Variants in LRP1B observed in about 807,000 individuals in gnomAD.
The protein encoded by LRP1B is low-density lipoprotein receptor-related protein 1B.
Under a neutral mutation model 556.6 loss-of-function variants are expected in LRP1B, and 217 were observed. The observed-to-expected ratio is 0.39, with a 90% confidence interval of 0.35 to 0.44. LRP1B has a LOEUF of 0.44. LRP1B is among the 20% of genes least tolerant of loss of function. LRP1B has a pLI of 1.00. For missense variants in LRP1B, 5,053 were observed against 5,620.8 expected (o/e 0.90, Z 3.23); for synonymous variants, 2,047 against 1,865.8 (o/e 1.10, Z -2.50).
intron 1 of LRP1B, among the ~76,000 whole-genome samples, chr2:141,863,345 A>G (rs551709849): frequency 6.3e-4 from 96 of 152,284 alleles, no homozygotes; most frequent in Non-Finnish European, 1.0e-3. Flanking sequence ...AACCAATAAT[A>G]AAACAAGTAT....
At chr2:141,184,090 C>T (rs1436431079) in intron 7 of LRP1B, among the ~76,000 whole-genome samples, 1 of 151,922 alleles carries the variant, frequency 6.6e-6, no homozygotes, top group African/African-American at 2.4e-5. Flanking sequence ...TCATTAGACC[C>T]CAATACTAAA....
At chr2:142,046,911 A>G (rs1704279186) in intron 1 of LRP1B, among the ~76,000 whole-genome samples, 1 of 152,038 alleles carries the variant, frequency 6.6e-6, no homozygotes, top group Admixed American at 6.6e-5. Flanking sequence ...TAGGTATGCC[A>G]TCTTGTACAT....
rs1244765430 is a variant in LRP1B, at chr2:140,231,634, C to A, written c.*1552G>T. 6.6e-6 allele frequency: 1 copy of A among 151,620 alleles called. No individual in the cohort carries two copies. Among genetic ancestry groups the A allele is most frequent in the Non-Finnish European group, 1.5e-5 (1 of 67,548 alleles). 9.4% of individuals were successfully genotyped at this position (151,620 alleles called of 1,614,324 possible). On this transcript the variant is annotated 3_prime_UTR_variant, in exon 91 of 91. Coordinates refer to ENST00000389484, the MANE Select transcript of LRP1B (RefSeq NM_018557.3). ...AAAATTGCACTAGTATTACATAAAT[C>A]AATAGTTTATAAAGGCCTCAATATG... is the stretch of plus-strand genomic sequence containing the variant.
At chr2:141,939,648 T>C (rs1189169178) in intron 1 of LRP1B, among the ~76,000 whole-genome samples, 1 of 152,152 alleles carries the variant, frequency 6.6e-6, no homozygotes, top group Non-Finnish European at 1.5e-5. Context: ...TATTTTACTA[T>C]TATATATGTT....
intron 60 of LRP1B, among the ~76,000 whole-genome samples, chr2:140,468,786 G>A (rs748620081): frequency 6.6e-5 from 10 of 152,176 alleles, no homozygotes; most frequent in Non-Finnish European, 1.2e-4. Flanking sequence ...GATTATCTTG[G>A]AGCCTTAAGA....
chr2:140,692,166 T>C (rs917735269), intron 41 of LRP1B, among the ~76,000 whole-genome samples: 5 of 152,252 alleles, frequency 3.3e-5, no homozygotes, highest in African/African-American at 9.6e-5. Flanking sequence ...AAAAAATTGC[T>C]AAAATTTGAA....
intron 25 of LRP1B, among the ~76,000 whole-genome samples, chr2:140,869,642 AT>A (rs2105159652): frequency 6.6e-6 from 1 of 152,228 alleles, no homozygotes; most frequent in Admixed American, 6.5e-5. Flanking sequence ...AAGTGAATTG[AT>A]TCAAAATATA....
intron 1 of LRP1B, among the ~76,000 whole-genome samples, chr2:142,001,059 G>A (rs1314902604): frequency 2.6e-5 from 4 of 152,104 alleles, no homozygotes; most frequent in Non-Finnish European, 4.4e-5. Flanking sequence ...TTCCCCTTTT[G>A]CTTGGCTCTT....
intron 3 of LRP1B, among the ~76,000 whole-genome samples, chr2:141,389,098 A>G (rs1462363297): frequency 2.0e-5 from 3 of 152,190 alleles, no homozygotes; most frequent in Non-Finnish European, 1.5e-5. Context: ...TAAAATTCCA[A>G]CAAGCTTTTT....
At chr2:141,322,321 C>G (rs1474114254) in intron 3 of LRP1B, among the ~76,000 whole-genome samples, 1 of 151,976 alleles carries the variant, frequency 6.6e-6, no homozygotes, top group Non-Finnish European at 1.5e-5. Flanking sequence ...GTGGGCTTCC[C>G]TGTAAAAGAA....
At chr2:141,214,085 T>C (rs1682682614) in intron 6 of LRP1B, among the ~76,000 whole-genome samples, 1 of 152,182 alleles carries the variant, frequency 6.6e-6, no homozygotes, top group African/African-American at 2.4e-5. Flanking sequence ...TAATCCATCG[T>C]TGGTTTAATT....
At chr2:141,899,381 G>A (rs1156556576) in intron 1 of LRP1B, among the ~76,000 whole-genome samples, 3 of 152,072 alleles carry the variant, frequency 2.0e-5, no homozygotes, top group Non-Finnish European at 4.4e-5. Flanking sequence ...CAACAGAAAA[G>A]TAAATAGACT....
intron 20 of LRP1B, among the ~76,000 whole-genome samples, chr2:140,927,623 TATAAGATC>T (rs1239000650): frequency 6.6e-6 from 1 of 151,786 alleles, no homozygotes; most frequent in Non-Finnish European, 1.5e-5. Context: ...TTTATGCTAT[TATAAGATC>T]ATGATAAAAT....
intron 43 of LRP1B, among the ~76,000 whole-genome samples, chr2:140,555,229 A>C (rs943083995): frequency 5.9e-5 from 9 of 151,708 alleles, no homozygotes; most frequent in African/African-American, 2.2e-4. Context: ...CTCAGGAAAA[A>C]AAAAAAACAA....
chr2:142,060,107 T>A (rs907118608), intron 1 of LRP1B, among the ~76,000 whole-genome samples: 6 of 152,246 alleles, frequency 3.9e-5, no homozygotes, highest in Admixed American at 2.0e-4. Flanking sequence ...TTCTAATATT[T>A]TATATTCAAT....
intron 2 of LRP1B, among the ~76,000 whole-genome samples, chr2:141,771,368 AT>A (rs2105616073): frequency 6.6e-6 from 1 of 152,272 alleles, no homozygotes; most frequent in African/African-American, 2.4e-5. Context: ...CATGAATCTA[AT>A]TGGCTTTTAC....
chr2:141,958,792 A>G (rs1237741491), intron 1 of LRP1B, among the ~76,000 whole-genome samples: 1 of 152,022 alleles, frequency 6.6e-6, no homozygotes, highest in Non-Finnish European at 1.5e-5. Context: ...TTGCAGCTGT[A>G]ACTATAAACT....
At chr2:140,575,683 G>A (rs375555902) in intron 43 of LRP1B, among the ~76,000 whole-genome samples, 23 of 152,080 alleles carry the variant, frequency 1.5e-4, no homozygotes, top group East Asian at 1.4e-3. Context: ...CAGCACTTTC[G>A]GAGGCTGAAG....
At chr2:140,252,846 C>A (rs1428151027) in intron 86 of LRP1B, among the ~76,000 whole-genome samples, 1 of 151,980 alleles carries the variant, frequency 6.6e-6, no homozygotes, top group Non-Finnish European at 1.5e-5. Context: ...TCTAATATAT[C>A]TTTAAAGATC....
Sources: gnomAD v4.1 joint callset for allele counts (sites outside exome capture counted in the v4.1 genomes callset) on GRCh38, gnomAD v4.1.1 for gene constraint, MANE v1.5 for transcripts, NCBI Gene and HGNC (gene_info 2026-07-23, HGNC 2026-07-21) for gene names.